The following CDH6 variants were observed in gnomAD, a reference collection of about 807,000 sequenced individuals.
CDH6 encodes the protein cadherin 6.
In CDH6, 31 loss-of-function variants were observed where a neutral mutation model predicts 78.0. That is an observed-to-expected ratio of 0.40 (90% CI 0.30 to 0.54). CDH6 has a LOEUF of 0.54. Among genes scored for constraint, CDH6 ranks in the 20% least tolerant of loss-of-function variants. The pLI is 0.56. For missense variants in CDH6, 724 were observed against 975.9 expected (o/e 0.74, Z 3.44); for synonymous variants, 376 against 368.8 (o/e 1.02, Z -0.23).
chr5:31,311,801 T>C (rs1187535324), intron 7 of CDH6, among the ~76,000 whole-genome samples: 2 of 152,190 alleles, frequency 1.3e-5, no homozygotes, highest in African/African-American at 2.4e-5. Flanking sequence ...GCCCCCATGA[T>C]ACAATCACCT....
At chr5:31,273,917 T>C (rs1373164041) in intron 2 of CDH6, among the ~76,000 whole-genome samples, 1 of 152,218 alleles carries the variant, frequency 6.6e-6, no homozygotes, top group African/African-American at 2.4e-5. Flanking sequence ...GATTTTTTTT[T>C]AAGCGTCTTT....
At chr5:31,256,425 A>G (rs1742055491) in intron 1 of CDH6, among the ~76,000 whole-genome samples, 1 of 152,198 alleles carries the variant, frequency 6.6e-6, no homozygotes, top group South Asian at 2.1e-4. Context: ...GGAGCTTGCC[A>G]CCCAGAGATA....
At chr5:31,225,244 T>C (rs1741117677) in intron 1 of CDH6, among the ~76,000 whole-genome samples, 2 of 152,246 alleles carry the variant, frequency 1.3e-5, no homozygotes, top group South Asian at 2.1e-4. Context: ...CATAAATGAC[T>C]CTGGGCTTTG....
Position 31,309,179 on chromosome 5 carries a change from A to G in CDH6, c.1253+3752A>G, listed in dbSNP as rs149375183. ...TATGTACATTGAAACTGAAACTCCA[A>G]TTCAACTTGATATTATACCCATTGT... is the stretch of plus-strand genomic sequence containing the variant. On this transcript the variant is annotated intron_variant, in intron 7 of 11. Transcript: ENST00000265071. Among the ~76,000 whole-genome samples the G allele has an allele frequency of 2.5e-3, 375 of 152,264 alleles. 3 individuals are homozygous for G. The highest frequency in any genetic ancestry group is 8.6e-3 in the African/African-American group (359 of 41,572).
intron 1 of CDH6, among the ~76,000 whole-genome samples, chr5:31,236,958 C>A (rs1197958219): frequency 6.6e-6 from 1 of 152,102 alleles, no homozygotes; most frequent in Non-Finnish European, 1.5e-5. Context: ...AAATTTGTCT[C>A]ATTTTGGAAG....
At chr5:31,306,470 C>T (rs1737992687) in intron 7 of CDH6, among the ~76,000 whole-genome samples, 1 of 152,124 alleles carries the variant, frequency 6.6e-6, no homozygotes, top group Non-Finnish European at 1.5e-5. Context: ...GCTTAGTTGA[C>T]TAAATGAGAA....
chr5:31,292,755 A>ATG (rs1275223577), intron 2 of CDH6, among the ~76,000 whole-genome samples: 1 of 59,250 alleles, frequency 1.7e-5, no homozygotes, highest in East Asian at 4.7e-4. Flanking sequence ...GAATATATAT[A>ATG]TATATATGTG....
At chr5:31,293,869 TA>T in intron 2 of CDH6, 92 bp from the exon 3 acceptor site, 1 of 736,216 alleles carries the variant, frequency 1.4e-6, no homozygotes, top group Non-Finnish European at 2.1e-6. Context: ...AAGAATTTAA[TA>T]AAAGTTAATG....
At chr5:31,220,994 C>G (rs1354025532) in intron 1 of CDH6, among the ~76,000 whole-genome samples, 1 of 152,166 alleles carries the variant, frequency 6.6e-6, no homozygotes, top group Non-Finnish European at 1.5e-5. Flanking sequence ...GCTGTCTTGC[C>G]TGAATTCTCA....
intron 1 of CDH6, among the ~76,000 whole-genome samples, chr5:31,226,688 C>T (rs957724442): frequency 6.6e-6 from 1 of 152,140 alleles, no homozygotes; most frequent in Non-Finnish European, 1.5e-5. Flanking sequence ...TTCCTACCAA[C>T]ACGAGAAGAA....
intron 1 of CDH6, among the ~76,000 whole-genome samples, chr5:31,253,803 A>G (rs1741976638): frequency 6.6e-6 from 1 of 152,066 alleles, no homozygotes; most frequent in Non-Finnish European, 1.5e-5. Context: ...GGACAGCCAA[A>G]CTATAACAGG....
chr5:31,302,054 T>C, intron 5 of CDH6, 57 bp from the exon 6 acceptor site: 3 of 1,203,830 alleles, frequency 2.5e-6, no homozygotes, highest in Non-Finnish European at 2.3e-6. Flanking sequence ...TTTGTTTTTA[T>C]GATGATAAGA....
rs561224405 is a variant in CDH6 at position 31,204,996 on chromosome 5, G to A, written c.-129+11110G>A. On this transcript the variant is annotated intron_variant, in intron 1 of 11. Coordinates refer to ENST00000265071, the MANE Select transcript of CDH6 (RefSeq NM_004932.4). ...TTATTTGATTCCCTGCACAGCAAAA[G>A]CCCACCTGATACAAACATAAGATGC... Among the ~76,000 whole-genome samples the A allele has an allele frequency of 5.3e-5, 8 of 152,272 alleles. No homozygotes were observed. The South Asian group carries it at 1.5e-3, about 28-fold the overall frequency.
At chr5:31,225,190 G>T (rs1036065835) in intron 1 of CDH6, among the ~76,000 whole-genome samples, 21 of 152,206 alleles carry the variant, frequency 1.4e-4, no homozygotes, top group African/African-American at 3.6e-4. Flanking sequence ...TGGTAATCAT[G>T]CCTTTTTATG....
intron 4 of CDH6, among the ~76,000 whole-genome samples, chr5:31,298,460 A>G (rs1397745173): frequency 6.6e-6 from 1 of 152,200 alleles, no homozygotes; most frequent in Non-Finnish European, 1.5e-5. Context: ...GATCTCCTGT[A>G]TTTAAATAGA....
intron 1 of CDH6, among the ~76,000 whole-genome samples, chr5:31,208,490 T>G (rs1022160459): frequency 2.6e-5 from 4 of 152,224 alleles, no homozygotes. Context: ...TTACAGATTC[T>G]ATAACTGATG....
At chr5:31,277,610 A>T (rs1742733758) in intron 2 of CDH6, among the ~76,000 whole-genome samples, 1 of 152,202 alleles carries the variant, frequency 6.6e-6, no homozygotes, top group African/African-American at 2.4e-5. Flanking sequence ...TATATTGAGC[A>T]GTGTTTCAAA....
rs931815834 is a variant in CDH6 at position 31,323,007 on chromosome 5, A to G, written c.2072A>G (p.Asp691Gly). The G allele has an allele frequency of 6.2e-7, 1 of 1,614,180 alleles. No homozygotes were observed. The highest frequency in any genetic ancestry group is 1.3e-5 in the African/African-American group (1 of 75,040). Residue 691 changes from aspartate (D) to glycine (G), a missense_variant, in exon 12 of 12, where the codon GAC (aspartate) becomes GGC (glycine). Transcript: ENST00000265071. ...ATAGAGGACAACAAATTACGAAGGG[A>G]CATTGTGCCCGAAGCCCTTTTCCTA... ...EAIEDNKLRRDIVPEALFLPR... is the reference protein window; with the variant it reads ...EAIEDNKLRRGIVPEALFLPR...
intron 1 of CDH6, chr5:31,251,854 T>C (rs902642678): frequency 1.3e-5 from 2 of 152,228 alleles, no homozygotes; most frequent in Non-Finnish European, 2.9e-5. Context: ...CAAGTTTAAA[T>C]AAATCTGAAG....
Sources: allele counts gnomAD v4.1 joint callset (sites outside exome capture counted in the v4.1 genomes callset), GRCh38; gene constraint gnomAD v4.1.1; transcripts MANE v1.5; gene names NCBI Gene and HGNC (gene_info 2026-07-23, HGNC 2026-07-21).